The following ZNF704 variants were observed in gnomAD, a reference collection of about 807,000 sequenced individuals.
ZNF704 encodes zinc finger protein 704.
Under a neutral mutation model 44.7 loss-of-function variants are expected in ZNF704, and 10 were observed. The observed-to-expected ratio is 0.22, with a 90% CI of 0.14 to 0.38. The LOEUF is 0.38. Among genes scored for constraint, ZNF704 ranks in the 10% least tolerant of loss-of-function variants. The pLI is 1.00. For synonymous variants in ZNF704, 211 were observed against 207.6 expected, an observed-to-expected ratio of 1.02 and a Z score of -0.14; for missense variants, 390 against 545.5, an observed-to-expected ratio of 0.71 and a Z score of 2.84.
chr8:80,797,124 C>T (rs564164491), intron 2 of ZNF704, among the ~76,000 whole-genome samples: 2 of 152,164 alleles, frequency 1.3e-5, no homozygotes, highest in East Asian at 1.9e-4. Context: ...CCCTTGACTC[C>T]ACGTCCAGTG....
At chr8:80,881,252 G>GA in the ZNF704 span, among the ~76,000 whole-genome samples, 1 of 152,126 alleles carries the variant, frequency 6.6e-6, no homozygotes, top group Non-Finnish European at 1.5e-5. Context: ...CCAAAATATT[G>GA]AAAACCGCAT....
chr8:80,698,043 T>C (rs1395954380), intron 2 of ZNF704, among the ~76,000 whole-genome samples: 1 of 152,174 alleles, frequency 6.6e-6, no homozygotes, highest in Non-Finnish European at 1.5e-5. Flanking sequence ...TGTCCACAAA[T>C]AGAAAAGCCT....
upstream of ZNF704, among the ~76,000 whole-genome samples, chr8:80,879,669 C>CT (rs1416939467): frequency 6.6e-6 from 1 of 152,084 alleles, no homozygotes; most frequent in Non-Finnish European, 1.5e-5. Context: ...TTCTTGTTAC[C>CT]TTCTTATTTT....
chr8:80,730,538 T>TAAAAAA (rs148942015), intron 2 of ZNF704, among the ~76,000 whole-genome samples: 17 of 63,962 alleles, frequency 2.7e-4, no homozygotes, highest in African/African-American at 7.1e-4. Context: ...GACTACATCT[T>TAAAAAA]AAAAAAAAAA....
chr8:80,650,223 G>T (rs977629076), intron 7 of ZNF704, among the ~76,000 whole-genome samples: 1 of 152,238 alleles, frequency 6.6e-6, no homozygotes, highest in South Asian at 2.1e-4. Context: ...AAAAACAGCA[G>T]AAAAACTGGA....
At chr8:80,867,547 A>G (rs1439938203) in intron 1 of ZNF704, among the ~76,000 whole-genome samples, 4 of 152,278 alleles carry the variant, frequency 2.6e-5, no homozygotes. Flanking sequence ...TGGTCAAATG[A>G]AAGTACTGGA....
chr8:80,690,940 C>T (rs752667859), intron 3 of ZNF704, among the ~76,000 whole-genome samples: 6 of 151,536 alleles, frequency 4.0e-5, no homozygotes, highest in South Asian at 2.1e-4. Flanking sequence ...ACCCAGGAGG[C>T]GGCAGTTGCA....
chr8:80,709,135 G>C (rs541139624), intron 2 of ZNF704, among the ~76,000 whole-genome samples: 1 of 152,134 alleles, frequency 6.6e-6, no homozygotes, highest in African/African-American at 2.4e-5. Flanking sequence ...GCTTTCCTTT[G>C]TAAGTAGGAA....
At chr8:80,867,379 G>A (rs1809172832) in intron 1 of ZNF704, among the ~76,000 whole-genome samples, 1 of 152,138 alleles carries the variant, frequency 6.6e-6, no homozygotes, top group Non-Finnish European at 1.5e-5. Context: ...AACTCTAAGG[G>A]AGTGAGCTGT....
Position 80,820,354 on chromosome 8 carries a change from C to T in ZNF704, c.221+1020G>A, listed in dbSNP as rs149984650. Among the ~76,000 whole-genome samples, 491 of 152,208 alleles carry T rather than the reference C, an allele frequency of 3.2e-3. 10 individuals are homozygous for T. The highest frequency in any genetic ancestry group is 0.026 in the Admixed American group (390 of 15,290). ...CAGAATATTGTCCTTTGGTTCAGTG[C>T]TATTGGGTGTGGTTTAAATAAAATT... On this transcript the variant is annotated intron_variant, in intron 2 of 8. Transcript: ENST00000327835.
intron 2 of ZNF704, among the ~76,000 whole-genome samples, chr8:80,708,957 G>C (rs1818940154): frequency 6.6e-6 from 1 of 151,758 alleles, no homozygotes. Flanking sequence ...CCACAGAACT[G>C]GGATTTACTT....
intron 2 of ZNF704, among the ~76,000 whole-genome samples, chr8:80,727,326 T>A (rs1806498277): frequency 6.6e-6 from 1 of 152,026 alleles, no homozygotes. Context: ...TTGTTTTAAG[T>A]GGAAGAGGGG....
intron 2 of ZNF704, among the ~76,000 whole-genome samples, chr8:80,715,529 G>A (rs754699830): frequency 2.0e-5 from 3 of 152,198 alleles, no homozygotes; most frequent in Admixed American, 6.5e-5. Flanking sequence ...GTGAAGCTAC[G>A]TGGGAGCATG....
At chr8:80,648,197 A>C (rs1461163540) in intron 7 of ZNF704, among the ~76,000 whole-genome samples, 2 of 152,182 alleles carry the variant, frequency 1.3e-5, no homozygotes, top group Non-Finnish European at 2.9e-5. Flanking sequence ...ACTGGGGATT[A>C]TATTTCCAAC....
intron 2 of ZNF704, among the ~76,000 whole-genome samples, chr8:80,785,010 C>T (rs1807592047): frequency 2.0e-5 from 3 of 152,102 alleles, no homozygotes; most frequent in Non-Finnish European, 1.5e-5. Flanking sequence ...ATTGATACAT[C>T]ATTATTAACT....
chr8:80,851,613 C>A (rs538772505), intron 1 of ZNF704, among the ~76,000 whole-genome samples: 5 of 151,790 alleles, frequency 3.3e-5, no homozygotes, highest in African/African-American at 1.2e-4. Context: ...TTAGGAGATA[C>A]ACCTAATGCT....
chr8:80,719,562 G>A (rs1471538068), intron 2 of ZNF704, among the ~76,000 whole-genome samples: 1 of 152,132 alleles, frequency 6.6e-6, no homozygotes, highest in African/African-American at 2.4e-5. Flanking sequence ...CAGGACAAAG[G>A]AGCTGCTACT....
At chr8:80,843,068 G>C (rs997531065) in intron 1 of ZNF704, among the ~76,000 whole-genome samples, 2 of 152,156 alleles carry the variant, frequency 1.3e-5, no homozygotes, top group African/African-American at 4.8e-5. Flanking sequence ...TGCTAACGAT[G>C]TAGAAGATAT....
chr8:80,685,923 A>T (rs1432976673), intron 4 of ZNF704, among the ~76,000 whole-genome samples: 1 of 152,182 alleles, frequency 6.6e-6, no homozygotes, highest in Non-Finnish European at 1.5e-5. Context: ...TTTGTATTGG[A>T]TTTTTGTTTG....
Sources: allele counts gnomAD v4.1 joint callset (sites outside exome capture counted in the v4.1 genomes callset), GRCh38; gene constraint gnomAD v4.1.1; transcripts MANE v1.5; gene names NCBI Gene and HGNC (gene_info 2026-07-23, HGNC 2026-07-21).